KCNH7: variants seen among roughly 807,000 people sequenced by gnomAD.
The protein encoded by KCNH7 is voltage-gated inwardly rectifying potassium channel KCNH7.
A neutral mutation model predicts 120.8 loss-of-function variants in KCNH7; 49 were observed. The ratio of observed to expected loss-of-function variants is 0.41; its 90% CI spans 0.32 to 0.51. The LOEUF is 0.51. KCNH7 is among the 20% of genes least tolerant of loss of function. The pLI is 0.38. For synonymous variants in KCNH7, 547 were observed against 516.1 expected, an observed-to-expected ratio of 1.06 and a Z score of -0.81; for missense variants, 1,097 against 1,446.6, an observed-to-expected ratio of 0.76 and a Z score of 3.92.
At chr2:162,487,911 G>T (rs565247541) in intron 6 of KCNH7, among the ~76,000 whole-genome samples, 94 of 152,276 alleles carry the variant, frequency 6.2e-4, no homozygotes, top group Admixed American at 1.0e-3. Flanking sequence ...GTCTGCTACG[G>T]AATTTTTCTG....
intron 2 of KCNH7, among the ~76,000 whole-genome samples, chr2:162,832,366 G>C (rs1393992276): frequency 6.6e-6 from 1 of 151,966 alleles, no homozygotes; most frequent in Admixed American, 6.6e-5. Flanking sequence ...TGAAATTTCT[G>C]TTTGTACTAA....
At chr2:162,372,566 A>T (rs1043520267) in intron 15 of KCNH7, among the ~76,000 whole-genome samples, 3 of 151,012 alleles carry the variant, frequency 2.0e-5, no homozygotes, top group African/African-American at 7.4e-5. Context: ...TTTCCCAGTC[A>T]TTCAAAACTA....
At chr2:162,656,179 C>T (rs985495726) in intron 2 of KCNH7, among the ~76,000 whole-genome samples, 2 of 152,174 alleles carry the variant, frequency 1.3e-5, no homozygotes, top group African/African-American at 2.4e-5. Flanking sequence ...GTTGTAAATA[C>T]TGTCTTGGAA....
At chr2:162,697,708 A>G (rs1041799378) in intron 2 of KCNH7, among the ~76,000 whole-genome samples, 1 of 152,134 alleles carries the variant, frequency 6.6e-6, no homozygotes, top group Non-Finnish European at 1.5e-5. Context: ...TTTGTTTTGC[A>G]TGATTTTCTG....
chr2:162,376,592 G>A (rs1686199044), intron 14 of KCNH7, among the ~76,000 whole-genome samples: 1 of 152,030 alleles, frequency 6.6e-6, no homozygotes, highest in Admixed American at 6.6e-5. Flanking sequence ...TCGAACTCCT[G>A]ACCTTGTGAT....
chr2:162,568,288 T>C (rs2105893279), intron 2 of KCNH7, among the ~76,000 whole-genome samples: 1 of 152,094 alleles, frequency 6.6e-6, no homozygotes, highest in South Asian at 2.1e-4. Flanking sequence ...CAATTCAAGA[T>C]GAGATTTGGG....
chr2:162,470,719 T>C lies in KCNH7; in HGVS notation c.1129-24276A>G, dbSNP rs1321582337. 3.9e-5 allele frequency among the ~76,000 whole-genome samples: 6 copies of C among 151,920 alleles called. 1 individual carries two copies. The highest frequency in any genetic ancestry group is 1.2e-4 in the African/African-American group (5 of 41,426). On this transcript the variant is annotated intron_variant, in intron 6 of 15. Coordinates refer to ENST00000332142, the MANE Select transcript of KCNH7 (RefSeq NM_033272.4). ...ACTGGGAAGTGAGGAGCTTCTCTGC[T>C]CGGCCACCACCCCGTCTGGGAGGTG...
At chr2:162,597,088 A>G (rs1161533209) in intron 2 of KCNH7, among the ~76,000 whole-genome samples, 1 of 152,116 alleles carries the variant, frequency 6.6e-6, no homozygotes, top group Non-Finnish European at 1.5e-5. Context: ...AGCCTTGTAC[A>G]CTGTTGGTCA....
At chr2:162,701,593 T>C (rs1559089160) in intron 2 of KCNH7, among the ~76,000 whole-genome samples, 1 of 152,172 alleles carries the variant, frequency 6.6e-6, no homozygotes, top group Non-Finnish European at 1.5e-5. Context: ...ATATAACACA[T>C]TGTATTCAAA....
At position 162,611,351 on chromosome 2, in the gene KCNH7, A is replaced by T. The variant is rs148121142; in HGVS notation, c.308-74271T>A. On this transcript the variant is annotated intron_variant, in intron 2 of 15. Transcript: ENST00000332142. ...GGTGAACAAGAGATCTTATTCCGTG[A>T]CATAAGTAGCCACATAGCACCACAC... 9.6e-3 allele frequency among the ~76,000 whole-genome samples: 1,461 copies of T among 152,326 alleles called. 34 individuals carry two copies. The highest frequency in any genetic ancestry group is 0.033 in the African/African-American group (1,378 of 41,584).
chr2:162,767,575 G>A (rs544070712), intron 2 of KCNH7, among the ~76,000 whole-genome samples: 56 of 151,950 alleles, frequency 3.7e-4, no homozygotes, highest in African/African-American at 1.0e-3. Flanking sequence ...GTATACATCC[G>A]TTTTTTCCCC....
In KCNH7 at chr2:162,513,467, C is replaced by CTCCTTCCTTCCT. The variant is rs66776235; in HGVS notation, c.893-805_893-794dup. 7.6e-3 allele frequency among the ~76,000 whole-genome samples: 800 copies of CTCCTTCCTTCCT among 104,684 alleles called. 35 individuals are homozygous for CTCCTTCCTTCCT. The highest frequency in any genetic ancestry group is 0.037 in the Admixed American group (299 of 8,006). 68.7% of individuals were successfully genotyped at this position (104,684 alleles called of 152,430 possible). On this transcript the variant is annotated intron_variant, in intron 4 of 15. Coordinates refer to ENST00000332142, the MANE Select transcript of KCNH7 (RefSeq NM_033272.4). ...CTTCCTTCCTTCTCTCCTTCCCTCC[C>CTCCTTCCTTCCT]TCCTTCCTTCCTTCCTTCCTTCCTT... is the stretch of plus-strand genomic sequence containing the variant.
At chr2:162,440,217 ATAAG>A (rs1443798459) in intron 7 of KCNH7, among the ~76,000 whole-genome samples, 1 of 151,996 alleles carries the variant, frequency 6.6e-6, no homozygotes, top group African/African-American at 2.4e-5. Flanking sequence ...TTGCCTATAA[ATAAG>A]TGATACAATT....
intron 6 of KCNH7, among the ~76,000 whole-genome samples, chr2:162,459,360 A>C (rs1558956796): frequency 6.6e-6 from 1 of 152,308 alleles, no homozygotes; most frequent in East Asian, 1.9e-4. Context: ...AGAAAAGATT[A>C]TGATAGAGAC....
chr2:162,457,687 A>T (rs1449321508), intron 6 of KCNH7, among the ~76,000 whole-genome samples: 1 of 152,190 alleles, frequency 6.6e-6, no homozygotes, highest in Non-Finnish European at 1.5e-5. Context: ...GCAGCTGTTA[A>T]ACGCCATGAT....
chr2:162,648,386 A>G (rs908012832), intron 2 of KCNH7, among the ~76,000 whole-genome samples: 8 of 152,148 alleles, frequency 5.3e-5, no homozygotes, highest in African/African-American at 1.7e-4. Flanking sequence ...CGCCCCCATG[A>G]TTCAGTCACC....
chr2:162,447,928 C>T (rs1423542198), intron 6 of KCNH7, among the ~76,000 whole-genome samples: 1 of 152,044 alleles, frequency 6.6e-6, no homozygotes, highest in East Asian at 1.9e-4. Flanking sequence ...TTGATAACTG[C>T]TAAACTACTT....
rs572539945 is a variant in KCNH7 at position 162,540,702 on chromosome 2, A to G, written c.308-3622T>C. On this transcript the variant is annotated intron_variant, in intron 2 of 15. Coordinates refer to ENST00000332142, the MANE Select transcript of KCNH7 (RefSeq NM_033272.4). ...GCCAGAAGCCACTGGGAAGAAGGCC[A>G]AAGAATGGATCTGAAGCTTTTCACT... Among the ~76,000 whole-genome samples, 6 of 152,242 alleles carry G rather than the reference A, an allele frequency of 3.9e-5. No homozygotes were observed. In the South Asian group the frequency reaches 1.2e-3, roughly 32 times the overall value.
chr2:162,423,352 C>A lies in KCNH7; in HGVS notation c.2138G>T (p.Gly713Val). ...YFQHAWTYTN[G>V]IDMNMVLKGF... ...CATACATACCATGTTCATGTCAATG[C>A]CATTGGTGTAAGTCCATGCGTGCTG... is the stretch of plus-strand genomic sequence containing the variant. Residue 713 changes from glycine to valine, a missense_variant, in exon 9 of 16, where the codon GGC (glycine) becomes GTC (valine). By Grantham distance (109) the Gly-to-Val change is moderately radical (BLOSUM62 -3). Coordinates refer to ENST00000332142, the MANE Select transcript of KCNH7 (RefSeq NM_033272.4). 2 of 1,614,076 alleles carry A rather than the reference C, an allele frequency of 1.2e-6. No individual in the cohort carries two copies. The highest frequency in any genetic ancestry group is 1.1e-5 in the South Asian group (1 of 91,080).
Sources: gnomAD v4.1 joint callset for allele counts (sites outside exome capture counted in the v4.1 genomes callset) on GRCh38, gnomAD v4.1.1 for gene constraint, MANE v1.5 for transcripts, NCBI Gene and HGNC (gene_info 2026-07-23, HGNC 2026-07-21) for gene names.